MGAT5B: variants seen among roughly 807,000 people sequenced by gnomAD.
MGAT5B encodes alpha-1,6-mannosylglycoprotein 6-beta-N-acetylglucosaminyltransferase B, also known as N-acetylglucosaminyl-transferase Vb.
Under a neutral mutation model 95.1 loss-of-function variants are expected in MGAT5B, and 54 were observed. The ratio of observed to expected loss-of-function variants is 0.57; its 90% CI spans 0.46 to 0.71. The LOEUF (loss-of-function observed/expected upper bound fraction) is 0.71. Ranked by LOEUF, MGAT5B falls within the 30% of genes least tolerant of loss-of-function variation. The probability of loss-of-function intolerance (pLI) is 0.00; values close to 1 mark genes in which losing one functional copy is unlikely to be tolerated. For synonymous variants in MGAT5B, 464 were observed against 451.0 expected (o/e 1.03, Z -0.36); for missense variants, 935 against 1,088.6 (o/e 0.86, Z 1.99).
intron 1 of MGAT5B, among the ~76,000 whole-genome samples, chr17:76,871,791 G>T (rs959768525): frequency 6.6e-6 from 1 of 152,148 alleles, no homozygotes; most frequent in African/African-American, 2.4e-5. Context: ...GTGGGAGGGC[G>T]CCCCTCTCAG....
At chr17:76,901,294 A>G (rs1387336847) in intron 3 of MGAT5B, among the ~76,000 whole-genome samples, 6 of 152,060 alleles carry the variant, frequency 3.9e-5, no homozygotes, top group Non-Finnish European at 7.4e-5. Flanking sequence ...AATTCCCATT[A>G]TGTGCAGCCA....
chr17:76,942,299 G>A (rs1306656285), intron 15 of MGAT5B, among the ~76,000 whole-genome samples: 7 of 152,202 alleles, frequency 4.6e-5, no homozygotes, highest in Admixed American at 2.0e-4. Context: ...AGGCCGAAGC[G>A]GGCGGATCAC....
intron 10 of MGAT5B, among the ~76,000 whole-genome samples, chr17:76,929,452 C>T (rs1175816538): frequency 6.6e-6 from 1 of 152,126 alleles, no homozygotes; most frequent in Non-Finnish European, 1.5e-5. Context: ...GCCTCTTTAC[C>T]TCTATTTTTA....
rs759896492 is a variant in MGAT5B, at chr17:76,940,525, C to T, written c.1708C>T (p.Arg570Ter). Residue 570 changes from arginine (R) to a stop codon, truncating the protein, a stop_gained, in exon 14 of 18, where the codon CGA becomes TGA. Coordinates refer to ENST00000569840, the MANE Select transcript of MGAT5B (RefSeq NM_001199172.2). LOFTEE classifies it high-confidence loss of function. This position sits in a 1 kb window ranked among gnomAD's most constrained non-coding sequence, Gnocchi z 4.3. ...CAGCTCCCTCAACCACGAGTTCTTC[C>T]GAGGCAAGCCCACCTCCAGAGAGGT... ...PHSSLNHEFFRGKPTSREVFS... is the reference protein window; with the variant it reads ...PHSSLNHEFF 7 of 1,612,856 alleles carry T rather than the reference C, an allele frequency of 4.3e-6. No homozygotes were observed. Among genetic ancestry groups the T allele is most frequent in the Admixed American group, 1.7e-5 (1 of 59,896 alleles).
intron 2 of MGAT5B, among the ~76,000 whole-genome samples, chr17:76,881,765 C>T (rs1172900035): frequency 2.0e-5 from 3 of 152,202 alleles, no homozygotes; most frequent in Admixed American, 2.0e-4. Context: ...GGGCTTCTTT[C>T]CCAGTGCTGG....
intron 5 of MGAT5B, 108 bp from the exon 6 acceptor site, chr17:76,904,144 A>G (rs958231909): frequency 1.7e-6 from 2 of 1,155,830 alleles, no homozygotes; most frequent in South Asian, 3.1e-5. Flanking sequence ...GGTGGGCCAC[A>G]TGGGCCCCAT....
At chr17:76,878,792 G>A (rs1967294498) in intron 2 of MGAT5B, among the ~76,000 whole-genome samples, 1 of 152,166 alleles carries the variant, frequency 6.6e-6, no homozygotes, top group African/African-American at 2.4e-5. Flanking sequence ...AGTTTTTATA[G>A]GAGCGTTTCT....
rs1368068834 is a variant in MGAT5B, at chr17:76,930,610, C to T, written c.1292-2035C>T. Among the ~76,000 whole-genome samples, 1 of 152,304 alleles carries T rather than the reference C, an allele frequency of 6.6e-6. No homozygotes were observed. Among genetic ancestry groups the T allele is most frequent in the South Asian group, 2.1e-4 (1 of 4,830 alleles). On this transcript the variant is annotated intron_variant, in intron 10 of 17. Coordinates refer to ENST00000569840, the MANE Select transcript of MGAT5B (RefSeq NM_001199172.2). This position sits in a 1 kb window ranked among gnomAD's most constrained non-coding sequence, Gnocchi z 4.1. ...TCGTAGGTCTCATGTTCCTCTTAAC[C>T]CCTCCGTGGCGGACAGAGCTTTAGC...
chr17:76,871,777 G>A (rs1173763780), intron 1 of MGAT5B, among the ~76,000 whole-genome samples: 1 of 152,116 alleles, frequency 6.6e-6, no homozygotes, highest in East Asian at 1.9e-4. Context: ...CTGATCTGGG[G>A]TTGGTGGGAG....
chr17:76,947,188 T>C (rs1599014534), intron 16 of MGAT5B, among the ~76,000 whole-genome samples: 1 of 152,178 alleles, frequency 6.6e-6, no homozygotes, highest in South Asian at 2.1e-4. Context: ...CGTATGGCTG[T>C]AAGAAATTTC....
At chr17:76,876,665 C>T (rs1469781161) in intron 2 of MGAT5B, among the ~76,000 whole-genome samples, 1 of 152,160 alleles carries the variant, frequency 6.6e-6, no homozygotes, top group Non-Finnish European at 1.5e-5. Context: ...TGTGTGGGGC[C>T]TCCAAATTCT....
In MGAT5B at chr17:76,916,172, TA is replaced by T. The variant is rs34773921; in HGVS notation, c.1026-8793del. Among the ~76,000 whole-genome samples the T allele has an allele frequency of 0.12, 17,118 of 146,886 alleles. 1,447 individuals are homozygous for T. The highest frequency in any genetic ancestry group is 0.26 in the African/African-American group (9,808 of 37,298). ...GCCTCGTCTCCCCTTATGCTCCACA[TA>T]GCTGCACTGCCCTGGCCCCTGCCCT... is the stretch of plus-strand genomic sequence containing the variant. On this transcript the variant is annotated intron_variant, in intron 8 of 17. Coordinates refer to ENST00000569840, the MANE Select transcript of MGAT5B (RefSeq NM_001199172.2). The surrounding 1 kb of genome is among the most constrained non-coding windows in gnomAD (Gnocchi z 5.3).
chr17:76,924,147 G>C (rs533165215), intron 8 of MGAT5B: 2 of 152,356 alleles, frequency 1.3e-5, no homozygotes, highest in Admixed American at 1.3e-4. Flanking sequence ...GCTGGGACAG[G>C]GGGCTTTGAA....
intron 8 of MGAT5B, among the ~76,000 whole-genome samples, chr17:76,919,968 G>C (rs1004675497): frequency 2.6e-5 from 4 of 152,162 alleles, no homozygotes; most frequent in Admixed American, 2.6e-4. Flanking sequence ...GCACAGTGCA[G>C]GGGCCAACTC....
chr17:76,904,188 G>C (rs929981358), intron 5 of MGAT5B, 64 bp from the exon 6 acceptor site: 4 of 1,503,954 alleles, frequency 2.7e-6, no homozygotes, highest in Non-Finnish European at 2.7e-6. Flanking sequence ...GTGCACGTGC[G>C]GGGGAGTCCC....
chr17:76,941,261 T>C (rs1168266192), intron 15 of MGAT5B, among the ~76,000 whole-genome samples: 1 of 152,258 alleles, frequency 6.6e-6, no homozygotes, highest in Non-Finnish European at 1.5e-5. Context: ...ATAATGTGCA[T>C]ACAGAGCGTC....
At chr17:76,888,395 T>TGTTTCCAGCCGTGTGCACTCAG (rs1967742111) in intron 3 of MGAT5B, among the ~76,000 whole-genome samples, 1 of 152,190 alleles carries the variant, frequency 6.6e-6, no homozygotes, top group African/African-American at 2.4e-5. Context: ...CCGGCGCTCA[T>TGTTTCCAGCCGTGTGCACTCAG]GTTTCCAGCC....
At chr17:76,902,743 A>C in intron 4 of MGAT5B, 73 bp downstream of exon 4, 3 of 546,724 alleles carry the variant, frequency 5.5e-6, no homozygotes, top group Non-Finnish European at 6.9e-6. Context: ...GGGCCCTGGG[A>C]GGGTGGGACA....
rs141609573 is a variant in MGAT5B, at chr17:76,896,822, C to T, written c.330-5733C>T. Among the ~76,000 whole-genome samples, 85 of 152,248 alleles carry T rather than the reference C, an allele frequency of 5.6e-4. 2 individuals are homozygous for T. In the East Asian group the frequency reaches 0.014, roughly 25 times the overall value. On this transcript the variant is annotated intron_variant, in intron 3 of 17. Transcript: ENST00000569840. ...TTGATTTCTTTCTTTCCTGTGAGAG[C>T]GGCAGGAGAATTAAAGCTTGGCCTT...
Sources: allele counts gnomAD v4.1 joint callset (sites outside exome capture counted in the v4.1 genomes callset), GRCh38; gene constraint gnomAD v4.1.1; non-coding constraint Gnocchi (gnomAD v3.1); transcripts MANE v1.5; gene names NCBI Gene and HGNC (gene_info 2026-07-23, HGNC 2026-07-21).